COL12A1: variants seen among roughly 807,000 people sequenced by gnomAD.
COL12A1 encodes the protein collagen alpha-1(XII) chain.
COL12A1 carries 114 observed loss-of-function variants against 349.7 expected under a neutral mutation model. That is an observed-to-expected ratio of 0.33 (90% CI 0.28 to 0.38). The LOEUF (loss-of-function observed/expected upper bound fraction) is 0.38. Ranked by LOEUF, COL12A1 falls within the 10% of genes least tolerant of loss-of-function variation. The probability of loss-of-function intolerance (pLI) is 1.00; values close to 1 mark genes in which losing one functional copy is unlikely to be tolerated. For synonymous variants in COL12A1, 1,369 were observed against 1,329.0 expected (o/e 1.03, Z -0.66); for missense variants, 3,284 against 3,756.9 (o/e 0.87, Z 3.29).
chr6:75,183,701 A>G lies in COL12A1; in HGVS notation c.1289-49T>C, dbSNP rs765400988. On this transcript the variant is annotated intron_variant, in intron 9 of 65. Transcript: ENST00000322507. ...TAAACTTCAATACATATTAATCATT[A>G]AAATATACATATCTAGCTTTCTTAG... The G allele has an allele frequency of 3.2e-6, 5 of 1,546,506 alleles. No individual in the cohort carries two copies. The East Asian group carries it at 9.0e-5, about 28-fold the overall frequency.
rs750119847 is a variant in COL12A1 at position 75,183,202 on chromosome 6, A to C, written c.1739T>G (p.Val580Gly). The change falls in exon 10 of 66, where the codon GTT becomes GGT. Residue 580 changes from valine to glycine, a missense_variant. Physicochemically the swap from Val to Gly is moderately radical, Grantham distance 109 (BLOSUM62 -3). Around this residue, in one of 2 missense-constraint regions of COL12A1, gnomAD observed 2,601 missense variants for 2,824.8 expected, o/e 0.92. Coordinates refer to ENST00000322507, the MANE Select transcript of COL12A1 (RefSeq NM_004370.6). Reference protein sequence around the residue: ...EIFAVGVKDAVRSELEAIASP... With the variant: ...EIFAVGVKDAGRSELEAIASP... ...GGCAATAGCTTCCAATTCTGAGCGA[A>C]CGGCATCCTTCACACCAACTGCAAA... The C allele has an allele frequency of 1.2e-6, 2 of 1,614,054 alleles. No individual in the cohort carries two copies. The highest frequency in any genetic ancestry group is 2.2e-5 in the South Asian group (2 of 91,088).
intron 40 of COL12A1, among the ~76,000 whole-genome samples, chr6:75,124,654 T>G (rs1446406940): frequency 6.6e-6 from 1 of 152,126 alleles, no homozygotes; most frequent in Non-Finnish European, 1.5e-5. Context: ...AAACAATTTC[T>G]AAAAGGCTAT....
chr6:75,130,211 G>T lies in COL12A1; in HGVS notation c.6090C>A (p.Asn2030Lys). The T allele has an allele frequency of 6.2e-7, 1 of 1,613,950 alleles. No individual in the cohort carries two copies. The highest frequency in any genetic ancestry group is 8.5e-7 in the Non-Finnish European group (1 of 1,179,962). Reference sequence around the variant, plus strand: ...TGGTTGTTTCACCAAAGACTCTCAGGTTCCTTGGTCCACTGCGTGGTACTA... The same window carrying T: ...TGGTTGTTTCACCAAAGACTCTCAGTTTCCTTGGTCCACTGCGTGGTACTA... ...GRTLPRSGPR[N>K]LRVFGETTNS... The change falls in exon 37 of 66, where the codon AAC (asparagine) becomes AAA (lysine). Residue 2030 changes from asparagine to lysine, a missense_variant. This residue lies in a region of COL12A1 where 2,601 missense variants were observed against 2,824.8 expected (regional missense o/e 0.92). Transcript: ENST00000322507.
chr6:75,156,017 T>C (rs922948429), intron 15 of COL12A1, among the ~76,000 whole-genome samples, 163 bp from the exon 16 acceptor site: 2 of 152,288 alleles, frequency 1.3e-5, no homozygotes, highest in African/African-American at 4.8e-5. Flanking sequence ...GCTAGCTAAG[T>C]AGAAGTGTAA....
In COL12A1 at chr6:75,128,558, C is replaced by T. The variant is rs192333062; in HGVS notation, c.6211-133G>A. The T allele has an allele frequency of 9.9e-5, 67 of 679,320 alleles. No homozygotes were observed. In the East Asian group the frequency reaches 1.7e-3, roughly 18 times the overall value. The allele number at this position is 679,320 out of a possible 1,614,324, so 42.1% of individuals were successfully genotyped here. ...CATTTTATTTTTGTTACACAATGCT[C>T]GTGACAAGACAAACTATCTTCACTT... is the stretch of plus-strand genomic sequence containing the variant. On this transcript the variant is annotated intron_variant, in intron 37 of 65. Coordinates refer to ENST00000322507, the MANE Select transcript of COL12A1 (RefSeq NM_004370.6).
intron 60 of COL12A1, among the ~76,000 whole-genome samples, chr6:75,092,609 C>T (rs1223820821): frequency 7.0e-6 from 1 of 142,900 alleles, no homozygotes; most frequent in Non-Finnish European, 1.5e-5. Flanking sequence ...CCATGGAAAC[C>T]ACTGCAGTCC....
chr6:75,093,566 TG>T (rs1472522112), intron 60 of COL12A1, among the ~76,000 whole-genome samples: 3 of 152,202 alleles, frequency 2.0e-5, no homozygotes, highest in African/African-American at 2.4e-5. Flanking sequence ...GGGGAAGTGC[TG>T]GGGTCTAAAT....
chr6:75,134,902 C>A, intron 31 of COL12A1, 47 bp from the exon 32 acceptor site: 1 of 1,572,086 alleles, frequency 6.4e-7, no homozygotes, highest in Non-Finnish European at 8.7e-7. Context: ...CTCTCTCCAT[C>A]TCACTAATCT....
Position 75,152,262 on chromosome 6 carries a change from C to T in COL12A1, c.3716-12G>A. 1 of 1,613,712 alleles carries T rather than the reference C, an allele frequency of 6.2e-7. No individual in the cohort carries two copies. The highest frequency in any genetic ancestry group is 8.5e-7 in the Non-Finnish European group (1 of 1,179,738). On this transcript the variant is annotated splice_polypyrimidine_tract_variant and intron_variant, in intron 18 of 65. Transcript: ENST00000322507. Reference sequence around the variant, plus strand: ...ATACTGAGCAAGAGCTAAAATGACACCACTGGCATTAGTGCATGTGAAAGA... The same window carrying T: ...ATACTGAGCAAGAGCTAAAATGACATCACTGGCATTAGTGCATGTGAAAGA...
chr6:75,172,793 G>T (rs1208624379), intron 13 of COL12A1, among the ~76,000 whole-genome samples: 1 of 152,136 alleles, frequency 6.6e-6, no homozygotes, highest in Non-Finnish European at 1.5e-5. Context: ...GACAGCATGG[G>T]TTTGCACTGT....
chr6:75,108,969 T>C, intron 52 of COL12A1, 49 bp downstream of exon 52: 1 of 1,564,608 alleles, frequency 6.4e-7, no homozygotes, highest in Non-Finnish European at 8.6e-7. Flanking sequence ...AAAAATGCCA[T>C]TTCAATCTTA....
In COL12A1 at chr6:75,189,672, C is replaced by T. The variant is rs1769824631; in HGVS notation, c.538G>A (p.Gly180Arg). 6.2e-7 allele frequency: 1 copy of T among 1,613,200 alleles called. No homozygotes were observed. The highest frequency in any genetic ancestry group is 1.3e-5 in the African/African-American group (1 of 74,842). ...FDIGEEKTRV[G>R]VVQYSSDTRT... Reference sequence around the variant, plus strand: ...GTATCAGAGCTGTATTGAACAACTCCAACTCTTGTCTTCTCTTCCCCAATG... The same window carrying T: ...GTATCAGAGCTGTATTGAACAACTCTAACTCTTGTCTTCTCTTCCCCAATG... The change falls in exon 6 of 66, where the codon GGA becomes AGA. Residue 180 changes from glycine (G) to arginine (R), a missense_variant. Gly to Arg is a moderately radical substitution (Grantham distance 125). This residue lies in a region of COL12A1 where 2,601 missense variants were observed against 2,824.8 expected (regional missense o/e 0.92). Transcript: ENST00000322507.
At chr6:75,175,388 A>T (rs1180543406) in intron 12 of COL12A1, 78 bp from the exon 13 acceptor site, 27 of 1,488,296 alleles carry the variant, frequency 1.8e-5, no homozygotes, top group Admixed American at 8.2e-5. Context: ...TACTTTACTT[A>T]TGCATGTGCA....
rs543961503 is a variant in COL12A1, at chr6:75,150,338, A to C, written c.4147+803T>G. ...TTTTTTGGTATAAATCCAGTTCTAT[A>C]ATTTTATTTCAATATCCTAATTCCT... On this transcript the variant is annotated intron_variant, in intron 21 of 65. Coordinates refer to ENST00000322507, the MANE Select transcript of COL12A1 (RefSeq NM_004370.6). Among the ~76,000 whole-genome samples the C allele has an allele frequency of 5.4e-4, 82 of 152,246 alleles. 3 individuals carry two copies. The South Asian group carries it at 0.014, about 26-fold the overall frequency.
At chr6:75,131,099 C>A in intron 35 of COL12A1, 118 bp from the exon 36 acceptor site, 2 of 1,299,544 alleles carry the variant, frequency 1.5e-6, no homozygotes, top group Non-Finnish European at 2.2e-6. Flanking sequence ...CATCAGAAGC[C>A]AACTGTGCTT....
chr6:75,142,770 G>A (rs558486846), intron 26 of COL12A1, among the ~76,000 whole-genome samples: 98 of 152,206 alleles, frequency 6.4e-4, no homozygotes, highest in African/African-American at 2.1e-3. Context: ...CGGTCATCAC[G>A]GAACTCCCAA....
chr6:75,089,394 A>T (rs2149325770), intron 63 of COL12A1, among the ~76,000 whole-genome samples: 1 of 152,292 alleles, frequency 6.6e-6, no homozygotes, highest in South Asian at 2.1e-4. Context: ...GCAGGGGAAA[A>T]ATTATTTGAA....
At chr6:75,131,775 T>C (rs560173455) in intron 35 of COL12A1, among the ~76,000 whole-genome samples, 165 bp downstream of exon 35, 9 of 152,334 alleles carry the variant, frequency 5.9e-5, no homozygotes, top group African/African-American at 1.9e-4. Flanking sequence ...TTTTTATTCT[T>C]ACTAACCCTA....
intron 34 of COL12A1, among the ~76,000 whole-genome samples, 170 bp from the exon 35 acceptor site, chr6:75,132,252 TTAAAGTTAGCAAGTATGGCCTTTGTCTA>T (rs1401917802): frequency 1.6e-4 from 24 of 152,232 alleles, no homozygotes. Flanking sequence ...CCAAATTTAG[TTAAAGTTAGCAAGTATGGCCTTTGTCTA>T]TAAGGAAGCA....
Sources: allele counts gnomAD v4.1 joint callset (sites outside exome capture counted in the v4.1 genomes callset), GRCh38; gene constraint gnomAD v4.1.1; regional missense constraint gnomAD v4.1.1; transcripts MANE v1.5; gene names NCBI Gene and HGNC (gene_info 2026-07-23, HGNC 2026-07-21).